PLOD2: variants seen among roughly 807,000 people sequenced by gnomAD.
PLOD2 encodes the protein lysine hydroxylase 2.
Under a neutral mutation model 101.0 loss-of-function variants are expected in PLOD2, and 65 were observed. That is an observed-to-expected ratio of 0.64 (90% confidence interval 0.53 to 0.79). The LOEUF (loss-of-function observed/expected upper bound fraction) is 0.79, where lower values mean the gene tolerates loss of function less well. Among genes scored for constraint, PLOD2 ranks in the 30% least tolerant of loss-of-function variants. The probability of loss-of-function intolerance (pLI) is 0.00; values close to 1 mark genes in which losing one functional copy is unlikely to be tolerated. For missense variants in PLOD2, 909 were observed against 914.6 expected, an observed-to-expected ratio of 0.99 and a Z score of 0.08; for synonymous variants, 314 against 302.9, an observed-to-expected ratio of 1.04 and a Z score of -0.38.
intron 11 of PLOD2, among the ~76,000 whole-genome samples, chr3:146,082,894 C>CA (rs1169570355): frequency 6.6e-6 from 1 of 151,858 alleles, no homozygotes; most frequent in African/African-American, 2.4e-5. Flanking sequence ...GACTCCATCT[C>CA]AAAAAAATAA....
chr3:146,124,553 C>A (rs527921341), intron 1 of PLOD2, among the ~76,000 whole-genome samples: 1 of 152,196 alleles, frequency 6.6e-6, no homozygotes, highest in South Asian at 2.1e-4. Context: ...TTAAGATTCT[C>A]TGACATTATC....
intron 1 of PLOD2, among the ~76,000 whole-genome samples, chr3:146,154,536 C>T (rs2032214072): frequency 6.6e-6 from 1 of 151,526 alleles, no homozygotes; most frequent in East Asian, 1.9e-4. Context: ...TATCCAGTTG[C>T]TATTTATAGA....
chr3:146,095,543 A>G (rs544792993), intron 7 of PLOD2, among the ~76,000 whole-genome samples: 3 of 152,298 alleles, frequency 2.0e-5, no homozygotes, highest in South Asian at 2.1e-4. Context: ...GGCAATCGCT[A>G]AAGTCTGGAA....
chr3:146,075,432 A>G (rs1229835834), intron 15 of PLOD2, among the ~76,000 whole-genome samples: 1 of 150,124 alleles, frequency 6.7e-6, no homozygotes, highest in Non-Finnish European at 1.5e-5. Flanking sequence ...TTGCCTAACA[A>G]AAAGATGTCC....
In PLOD2 at chr3:146,070,150, T is replaced by C. The variant is rs1211741228; in HGVS notation, c.*567A>G. The stretch of plus-strand genomic sequence containing the variant: ...GTATACGCTCCTCGGTTGTGTTTTG[T>C]ACCATTTTCTTGAGGAAAACGTTGT... On this transcript the variant is annotated 3_prime_UTR_variant, in exon 20 of 20. Coordinates refer to ENST00000282903, the MANE Select transcript of PLOD2 (RefSeq NM_182943.3). The C allele has an allele frequency of 6.6e-6, 1 of 152,066 alleles. No homozygotes were observed. The highest frequency in any genetic ancestry group is 2.4e-5 in the African/African-American group (1 of 41,442). 9.4% of individuals were successfully genotyped at this position (152,066 alleles called of 1,614,324 possible). A position where few individuals can be genotyped will look rare whatever the true frequency, so the allele number is the denominator to read the frequency against.
At chr3:146,075,258 C>G (rs1375584) in intron 15 of PLOD2, among the ~76,000 whole-genome samples, 78,097 of 151,296 alleles carry the variant, frequency 0.52, 20,258 homozygotes, top group Middle Eastern at 0.56. Context: ...ACTACATTTA[C>G]TATCCCCATA....
At chr3:146,077,493 A>G (rs1390052806) in intron 14 of PLOD2, 2 of 180,630 alleles carry the variant, frequency 1.1e-5, no homozygotes, top group African/African-American at 4.8e-5. Context: ...TAAAAGAGTT[A>G]GTGATTAATA....
chr3:146,070,651 T>G lies in PLOD2; in HGVS notation c.*66A>C. The G allele has an allele frequency of 2.8e-6, 3 of 1,083,590 alleles. No homozygotes were observed. The highest frequency in any genetic ancestry group is 4.2e-6 in the Non-Finnish European group (3 of 714,762). The allele number at this position is 1,083,590 out of a possible 1,614,324, so 67.1% of individuals were successfully genotyped here. On this transcript the variant is annotated 3_prime_UTR_variant, in exon 20 of 20. Coordinates refer to ENST00000282903, the MANE Select transcript of PLOD2 (RefSeq NM_182943.3). ...TTCCTCTCATCTTCTCAGCCACAAC[T>G]TCAAAGACGTGTTCATGCCAGTCAT...
rs1370762562 is a variant in PLOD2 at position 146,160,788 on chromosome 3, C to T, written c.109+93G>A. On this transcript the variant is annotated intron_variant, in intron 1 of 19. Transcript: ENST00000282903. ...AGGAGGGACAGGCCCCCACTACTCACCTGGCCAGCCCCGCGGAAGGGCTGG... is the reference window on the plus strand; with the variant it reads ...AGGAGGGACAGGCCCCCACTACTCATCTGGCCAGCCCCGCGGAAGGGCTGG... 13 of 814,742 alleles carry T rather than the reference C, an allele frequency of 1.6e-5. No homozygotes were observed. The Admixed American group carries it at 2.4e-4, about 15-fold the overall frequency. 50.5% of individuals were successfully genotyped at this position (814,742 alleles called of 1,614,324 possible). A position where few individuals can be genotyped will look rare whatever the true frequency, so the allele number is the denominator to read the frequency against.
At chr3:146,081,975 C>T (rs1576577674) in intron 11 of PLOD2, 112 bp from the exon 12 acceptor site, 2 of 813,778 alleles carry the variant, frequency 2.5e-6, no homozygotes, top group African/African-American at 3.5e-5. Flanking sequence ...CACAAGAAAG[C>T]TCATTCAACA....
chr3:146,072,254 A>G (rs1013225027), intron 17 of PLOD2, among the ~76,000 whole-genome samples: 2 of 126,592 alleles, frequency 1.6e-5, no homozygotes, highest in Non-Finnish European at 3.4e-5. Flanking sequence ...CTTGGAAAAG[A>G]GTGACATCAC....
chr3:146,120,878 C>T (rs1036856529), intron 3 of PLOD2, among the ~76,000 whole-genome samples: 5 of 152,010 alleles, frequency 3.3e-5, no homozygotes, highest in Admixed American at 6.6e-5. Flanking sequence ...CCTGCCACCA[C>T]GCCCGGCTAA....
At chr3:146,160,153 A>G (rs937777952) in intron 1 of PLOD2, among the ~76,000 whole-genome samples, 3 of 152,248 alleles carry the variant, frequency 2.0e-5, no homozygotes, top group East Asian at 1.9e-4. Flanking sequence ...ATGTGCCACA[A>G]AAGGCAGCAA....
chr3:146,141,098 T>C (rs1242933614), intron 1 of PLOD2, among the ~76,000 whole-genome samples: 3 of 152,064 alleles, frequency 2.0e-5, no homozygotes, highest in South Asian at 2.1e-4. Flanking sequence ...AATCAGATAA[T>C]TGAATACACA....
intron 7 of PLOD2, among the ~76,000 whole-genome samples, chr3:146,097,274 A>G (rs372976214): frequency 5.6e-5 from 8 of 142,974 alleles, no homozygotes; most frequent in South Asian, 2.3e-4. Flanking sequence ...CCCTCTGCCC[A>G]GCCACGACCC....
chr3:146,150,158 A>G (rs1422555672), intron 1 of PLOD2, among the ~76,000 whole-genome samples: 3 of 152,222 alleles, frequency 2.0e-5, no homozygotes, highest in African/African-American at 4.8e-5. Flanking sequence ...ACAAATGTGT[A>G]CATACACATA....
At chr3:146,075,512 A>C in intron 15 of PLOD2, among the ~76,000 whole-genome samples, 1 of 146,124 alleles carries the variant, frequency 6.8e-6, no homozygotes, top group Admixed American at 6.9e-5. Context: ...AAAAAAGAAG[A>C]AGAAAACAGA....
intron 12 of PLOD2, among the ~76,000 whole-genome samples, chr3:146,079,570 C>A (rs182387543): frequency 1.3e-5 from 2 of 151,968 alleles, no homozygotes; most frequent in Admixed American, 6.6e-5. Context: ...ATTGTATAGA[C>A]GGTGTTTCTA....
At chr3:146,158,266 AT>A (rs36090265) in intron 1 of PLOD2, among the ~76,000 whole-genome samples, 1 of 152,144 alleles carries the variant, frequency 6.6e-6, no homozygotes, top group Non-Finnish European at 1.5e-5. Flanking sequence ...TAAGGATATA[AT>A]TTTCAGGTAA....
Sources: gnomAD v4.1 joint callset for allele counts (sites outside exome capture counted in the v4.1 genomes callset) on GRCh38, gnomAD v4.1.1 for gene constraint, MANE v1.5 for transcripts, NCBI Gene and HGNC (gene_info 2026-07-23, HGNC 2026-07-21) for gene names.